LRRK2: variants seen among roughly 807,000 people sequenced by gnomAD.
The protein encoded by LRRK2 is leucine-rich repeat serine/threonine-protein kinase 2.
In LRRK2, 203 loss-of-function variants were observed where a neutral mutation model predicts 302.6. That is an observed-to-expected ratio of 0.67 (90% CI 0.60 to 0.75). LRRK2 has a LOEUF of 0.75. Among genes scored for constraint, LRRK2 ranks in the 30% least tolerant of loss-of-function variants. The pLI, the probability that LRRK2 is intolerant of heterozygous loss-of-function variation, is 0.00. For synonymous variants in LRRK2, 1,066 were observed against 1,031.9 expected (o/e 1.03, Z -0.63); for missense variants, 2,830 against 2,951.0 (o/e 0.96, Z 0.95).
chr12:40,331,227 C>A (rs1350306452), intron 39 of LRRK2, among the ~76,000 whole-genome samples: 2 of 152,148 alleles, frequency 1.3e-5, no homozygotes, highest in Non-Finnish European at 2.9e-5. Context: ...CTAGAATGGG[C>A]ATTCTTCACA....
chr12:40,367,174 T>A, intron 50 of LRRK2, 97 bp downstream of exon 50: 1 of 1,023,062 alleles, frequency 9.8e-7, no homozygotes, highest in Non-Finnish European at 1.5e-6. Context: ...ATATTACATA[T>A]GGTATAATCA....
intron 3 of LRRK2, 34 bp downstream of exon 3, chr12:40,232,417 T>G: frequency 1.4e-6 from 2 of 1,463,614 alleles, no homozygotes; most frequent in Non-Finnish European, 1.9e-6. Flanking sequence ...CAAATGGCCT[T>G]GAGTATTTAT....
intron 35 of LRRK2, among the ~76,000 whole-genome samples, chr12:40,321,765 T>C (rs1340679547): frequency 2.0e-5 from 3 of 152,092 alleles, no homozygotes; most frequent in Non-Finnish European, 4.4e-5. Context: ...AGGATTTATT[T>C]ATGATTTTCT....
chr12:40,295,694 T>C, intron 23 of LRRK2, 50 bp downstream of exon 23: 1 of 1,521,892 alleles, frequency 6.6e-7, no homozygotes, highest in South Asian at 1.1e-5. Context: ...AGAGCTTTTG[T>C]ATTTATATCT....
Position 40,327,169 on chromosome 12 carries a change from G to C in LRRK2, c.5657-1191G>C, listed in dbSNP as rs368536989. On this transcript the variant is annotated intron_variant, in intron 38 of 50. Coordinates refer to ENST00000298910, the MANE Select transcript of LRRK2 (RefSeq NM_198578.4). ...ATGTCGGTGGAGAGTAACAGTCCACGGGGCTGATCATGGTCAGTTTGTGAG... is the reference window on the plus strand; with the variant it reads ...ATGTCGGTGGAGAGTAACAGTCCACCGGGCTGATCATGGTCAGTTTGTGAG... Among the ~76,000 whole-genome samples, 7 of 152,214 alleles carry C rather than the reference G, an allele frequency of 4.6e-5. No homozygotes were observed. The South Asian group carries it at 8.3e-4, about 18-fold the overall frequency.
chr12:40,229,955 CTTTTTTTTTTTT>C (rs71078229), intron 2 of LRRK2, among the ~76,000 whole-genome samples: 57 of 92,900 alleles, frequency 6.1e-4, no homozygotes, highest in Non-Finnish European at 7.5e-4. Context: ...TCCTATGTGA[CTTTTTTTTTTTT>C]TTTTTTTTTT....
At chr12:40,356,922 G>A (rs868721760) in intron 46 of LRRK2, among the ~76,000 whole-genome samples, 5 of 152,142 alleles carry the variant, frequency 3.3e-5, no homozygotes, top group South Asian at 2.1e-4. Flanking sequence ...CCATCACCAT[G>A]AGCATTTATT....
intron 3 of LRRK2, among the ~76,000 whole-genome samples, chr12:40,233,554 G>A (rs920883390): frequency 6.6e-6 from 1 of 152,120 alleles, no homozygotes; most frequent in Non-Finnish European, 1.5e-5. Flanking sequence ...ACAATTAATT[G>A]GAGTTCTCGT....
At chr12:40,239,336 G>A (rs894834735) in intron 5 of LRRK2, among the ~76,000 whole-genome samples, 10 of 152,160 alleles carry the variant, frequency 6.6e-5, no homozygotes, top group African/African-American at 2.4e-4. Flanking sequence ...AGGCTGTCAT[G>A]TATAAATGTT....
At chr12:40,267,739 C>G (rs1943079174) in intron 14 of LRRK2, among the ~76,000 whole-genome samples, 1 of 152,110 alleles carries the variant, frequency 6.6e-6, no homozygotes, top group Admixed American at 6.6e-5. Flanking sequence ...TTTCAAAAAC[C>G]TCTCCACTGT....
chr12:40,337,695 T>G (rs1945916616), intron 40 of LRRK2, among the ~76,000 whole-genome samples: 1 of 152,228 alleles, frequency 6.6e-6, no homozygotes, highest in Admixed American at 6.5e-5. Flanking sequence ...AAAATAAAAA[T>G]CTGTTTATGC....
intron 23 of LRRK2, among the ~76,000 whole-genome samples, chr12:40,297,898 T>C (rs1388684664): frequency 6.6e-6 from 1 of 152,150 alleles, no homozygotes; most frequent in Non-Finnish European, 1.5e-5. Context: ...GATTATATTG[T>C]ACTTTTTGTT....
intron 31 of LRRK2, among the ~76,000 whole-genome samples, chr12:40,311,285 G>A (rs551209400): frequency 6.6e-6 from 1 of 152,116 alleles, no homozygotes; most frequent in African/African-American, 2.4e-5. Flanking sequence ...AATGTTTAAA[G>A]TTATCTTCTC....
chr12:40,266,730 T>C lies in LRRK2; in HGVS notation c.1656+2829T>C, dbSNP rs531344847. Among the ~76,000 whole-genome samples the C allele has an allele frequency of 4.5e-4, 68 of 152,134 alleles. 2 individuals are homozygous for C. The South Asian group carries it at 0.014, about 30-fold the overall frequency. ...ATGTTTATTGTGGCACTATTCACAA[T>C]AGCAAAGACTTGGAACCAACCCAAA... On this transcript the variant is annotated intron_variant, in intron 14 of 50. Coordinates refer to ENST00000298910, the MANE Select transcript of LRRK2 (RefSeq NM_198578.4).
At chr12:40,242,950 T>A (rs1435108342) in intron 6 of LRRK2, among the ~76,000 whole-genome samples, 1 of 150,684 alleles carries the variant, frequency 6.6e-6, no homozygotes, top group Non-Finnish European at 1.5e-5. Flanking sequence ...GATAAAACTT[T>A]AAGCACTTTA....
chr12:40,308,124 T>G (rs1368569824), intron 28 of LRRK2, among the ~76,000 whole-genome samples: 1 of 152,168 alleles, frequency 6.6e-6, no homozygotes, highest in Non-Finnish European at 1.5e-5. Context: ...CATTAGAATA[T>G]GTATACATGT....
chr12:40,337,514 A>G (rs572654276), intron 40 of LRRK2, among the ~76,000 whole-genome samples: 1 of 152,196 alleles, frequency 6.6e-6, no homozygotes, highest in South Asian at 2.1e-4. Context: ...TTGCCAGGCC[A>G]GGATACTTGT....
At chr12:40,350,633 T>C (rs1946321917) in intron 43 of LRRK2, among the ~76,000 whole-genome samples, 1 of 152,178 alleles carries the variant, frequency 6.6e-6, no homozygotes, top group Admixed American at 6.5e-5. Flanking sequence ...TTAAGTATTC[T>C]GATCAAAATA....
At chr12:40,270,631 C>T (rs945321242) in intron 14 of LRRK2, among the ~76,000 whole-genome samples, 1 of 151,820 alleles carries the variant, frequency 6.6e-6, no homozygotes, top group Non-Finnish European at 1.5e-5. Context: ...TCATTTGTTT[C>T]TTGGATATTT....
Sources: allele counts gnomAD v4.1 joint callset (sites outside exome capture counted in the v4.1 genomes callset), GRCh38; gene constraint gnomAD v4.1.1; transcripts MANE v1.5; gene names NCBI Gene and HGNC (gene_info 2026-07-23, HGNC 2026-07-21).